BRCA2: variants seen among roughly 807,000 people sequenced by gnomAD.
The protein encoded by BRCA2 is breast cancer type 2 susceptibility protein.
BRCA2 carries 203 observed loss-of-function variants against 276.7 expected under a neutral mutation model. The ratio of observed to expected loss-of-function variants is 0.73; its 90% CI spans 0.65 to 0.82. The LOEUF (loss-of-function observed/expected upper bound fraction) is 0.82. Ranked by LOEUF, BRCA2 falls within the 40% of genes least tolerant of loss-of-function variation. The pLI is 0.00. For missense variants in BRCA2, 3,920 were observed against 3,915.0 expected, an observed-to-expected ratio of 1.00 and a Z score of -0.03; for synonymous variants, 1,289 against 1,338.4, an observed-to-expected ratio of 0.96 and a Z score of 0.81.
Position 32,327,768 on chromosome 13 carries a change from AT to A in BRCA2, c.631+1169del, listed in dbSNP as rs113733140. ...ACTTAGTATTTGAAAAGTTGTGACT[AT>A]TTTTTTTTTTTTTAATTGAGACAAG... On this transcript the variant is annotated intron_variant, in intron 7 of 26. Coordinates refer to ENST00000380152, the MANE Select transcript of BRCA2 (RefSeq NM_000059.4). 2.0e-3 allele frequency among the ~76,000 whole-genome samples: 289 copies of A among 144,078 alleles called. 1 individual carries two copies. Among genetic ancestry groups the A allele is most frequent in the East Asian group, 6.5e-3 (32 of 4,908 alleles). The allele number at this position is 144,078 out of a possible 152,430, so 94.5% of individuals were successfully genotyped here.
chr13:32,361,205 G>A (rs1446553295), intron 16 of BRCA2, among the ~76,000 whole-genome samples: 1 of 152,220 alleles, frequency 6.6e-6, no homozygotes, highest in Non-Finnish European at 1.5e-5. Context: ...ATGGGGTGTT[G>A]CATTCCAAAT....
At chr13:32,392,791 TGTTTGA>T (rs1022037368) in intron 24 of BRCA2, among the ~76,000 whole-genome samples, 2 of 152,090 alleles carry the variant, frequency 1.3e-5, no homozygotes, top group Non-Finnish European at 2.9e-5. Flanking sequence ...TTTGAAAAAT[TGTTTGA>T]GTTTAAGGTA....
At position 32,368,811 on chromosome 13, in the gene BRCA2, T is replaced by G. The variant is rs169546; in HGVS notation, c.8332-1591T>G. Among the ~76,000 whole-genome samples, 31,457 of 128,358 alleles carry G rather than the reference T, an allele frequency of 0.25. 3,340 individuals are homozygous for G. The highest frequency in any genetic ancestry group is 0.3 in the East Asian group (1,218 of 4,050). The allele number at this position is 128,358 out of a possible 152,430, so 84.2% of individuals were successfully genotyped here. A position where few individuals can be genotyped will look rare whatever the true frequency, so the allele number is the denominator to read the frequency against. ...TTTTGTTTTTTTGTTTTTTTTTTGG[T>G]TTTTTTTGTTTTTTTTTTAGATGGA... On this transcript the variant is annotated intron_variant, in intron 18 of 26. Transcript: ENST00000380152.
intron 20 of BRCA2, 118 bp from the exon 21 acceptor site, chr13:32,376,552 G>A: frequency 8.8e-7 from 1 of 1,137,678 alleles, no homozygotes; most frequent in Admixed American, 2.4e-5. Context: ...ACTTTTAGCA[G>A]TTATATAGTT....
In BRCA2 at chr13:32,319,233, C is replaced by T. The variant is rs2138704999; in HGVS notation, c.224C>T (p.Ala75Val). The T allele has an allele frequency of 6.2e-7, 1 of 1,613,432 alleles. No individual in the cohort carries two copies. Among genetic ancestry groups the T allele is most frequent in the Non-Finnish European group, 8.5e-7 (1 of 1,179,390 alleles). Residue 75 changes from alanine (A) to valine (V), a missense_variant, in exon 3 of 27, where the codon GCT becomes GTT. By Grantham distance (64) the Ala-to-Val change is moderately conservative. Transcript: ENST00000380152. ...PQRKPSYNQL[A>V]STPIIFKEQG... ...AGGAAACCATCTTATAATCAGCTGG[C>T]TTCAACTCCAATAATATTCAAAGAG...
intron 21 of BRCA2, among the ~76,000 whole-genome samples, chr13:32,378,128 A>G (rs1288358062): frequency 1.3e-5 from 2 of 152,234 alleles, no homozygotes; most frequent in Admixed American, 6.5e-5. Context: ...TGTGCATTCT[A>G]TGAATCATCA....
At chr13:32,383,415 T>C (rs530123906) in intron 24 of BRCA2, among the ~76,000 whole-genome samples, 1 of 152,184 alleles carries the variant, frequency 6.6e-6, no homozygotes, top group South Asian at 2.1e-4. Flanking sequence ...ATGAAATCAT[T>C]ATCTAAGAAA....
At chr13:32,385,406 T>C (rs1478184675) in intron 24 of BRCA2, 1 of 216,028 alleles carries the variant, frequency 4.6e-6, no homozygotes, top group Non-Finnish European at 1.0e-5. Flanking sequence ...AATACGTCCA[T>C]GCAGACCTTT....
chr13:32,319,043 G>C (rs2138703323), intron 2 of BRCA2, 34 bp from the exon 3 acceptor site: 1 of 1,609,620 alleles, frequency 6.2e-7, no homozygotes, highest in East Asian at 2.2e-5. Flanking sequence ...TCTGTCACTG[G>C]TTAAAACTAA....
intron 11 of BRCA2, 125 bp downstream of exon 11, chr13:32,341,321 C>T: frequency 1.5e-6 from 2 of 1,362,050 alleles, no homozygotes; most frequent in Non-Finnish European, 2.1e-6. Flanking sequence ...TTTGTGTAGT[C>T]AGTTTGGGGG....
At chr13:32,353,319 G>A (rs2072664714) in intron 13 of BRCA2, among the ~76,000 whole-genome samples, 1 of 152,104 alleles carries the variant, frequency 6.6e-6, no homozygotes, top group Admixed American at 6.5e-5. Flanking sequence ...AGTCCTTTCA[G>A]TAGAACTGGT....
At position 32,370,338 on chromosome 13, in the gene BRCA2, A is replaced by G. The variant is rs81002866; in HGVS notation, c.8332-64A>G. On this transcript the variant is annotated intron_variant, in intron 18 of 26. Coordinates refer to ENST00000380152, the MANE Select transcript of BRCA2 (RefSeq NM_000059.4). ...TTCTAGAAGAATGAAAACTCTTATG[A>G]TATCTGTAATAGAATTGAATACATA... is the stretch of plus-strand genomic sequence containing the variant. The G allele has an allele frequency of 4.1e-6, 6 of 1,473,658 alleles. No homozygotes were observed. The South Asian group carries it at 4.6e-5, about 11-fold the overall frequency. 91.3% of individuals were successfully genotyped at this position (1,473,658 alleles called of 1,614,324 possible).
rs1555282089 is a variant in BRCA2, at chr13:32,333,285, A to G, written c.1807A>G (p.Lys603Glu). Residue 603 changes from lysine (K) to glutamate (E), a missense_variant, in exon 10 of 27, where the codon AAA becomes GAA. Lys to Glu is a moderately conservative substitution (Grantham distance 56). This residue lies in a region of BRCA2 where 3,263 missense variants were observed against 3,156.9 expected (regional missense o/e 1.03). Coordinates refer to ENST00000380152, the MANE Select transcript of BRCA2 (RefSeq NM_000059.4). ...AIHDETSYKG[K>E]KIPKDQKSEL... Reference sequence around the variant, plus strand: ...ACATGATGAAACATCTTATAAAGGAAAAAAAATACCGAAAGACCAAAAATC... The same window carrying G: ...ACATGATGAAACATCTTATAAAGGAGAAAAAATACCGAAAGACCAAAAATC... 1 of 1,605,408 alleles carries G rather than the reference A, an allele frequency of 6.2e-7. No individual in the cohort carries two copies. Among genetic ancestry groups the G allele is most frequent in the African/African-American group, 1.3e-5 (1 of 74,250 alleles).
chr13:32,397,495 A>G (rs1414317221), intron 26 of BRCA2, among the ~76,000 whole-genome samples: 1 of 152,206 alleles, frequency 6.6e-6, no homozygotes, highest in African/African-American at 2.4e-5. Flanking sequence ...ATGAGATAAA[A>G]CCTAAGTCCT....
chr13:32,365,109 C>CTTTTTTTTTTTTTTTTTTTTTTTTTTTT (rs57551462), intron 18 of BRCA2, among the ~76,000 whole-genome samples: 1 of 64,460 alleles, frequency 1.6e-5, no homozygotes. Context: ...GCAGTGCATT[C>CTTTTTTTTTTTTTTTTTTTTTTTTTTTT]TTTTTTTTTT....
chr13:32,319,078 T>C lies in BRCA2; in HGVS notation c.69T>C (p.Asp23=), dbSNP rs1555280330. Residue 23 remains aspartate, a splice_region_variant and synonymous_variant, in exon 3 of 27, where the codon GAT becomes GAC. Transcript: ENST00000380152. ...AGGTGGGATTTTTTTTTTAAATAGA[T>C]TTAGGACCAATAAGTCTTAATTGGT... ...EIFKTRCNKA[D]LGPISLNWFE... 6.2e-7 allele frequency: 1 copy of C among 1,612,962 alleles called. No homozygotes were observed. Among genetic ancestry groups the C allele is most frequent in the Non-Finnish European group, 8.5e-7 (1 of 1,179,200 alleles).
At chr13:32,388,792 G>A (rs902443997) in intron 24 of BRCA2, among the ~76,000 whole-genome samples, 5 of 151,368 alleles carry the variant, frequency 3.3e-5, no homozygotes, top group Admixed American at 1.3e-4. Context: ...TACCTTTGTC[G>A]AATTTAAAGT....
At chr13:32,357,418 T>C (rs994073449) in intron 15 of BRCA2, among the ~76,000 whole-genome samples, 10 of 152,220 alleles carry the variant, frequency 6.6e-5, no homozygotes, top group Admixed American at 5.2e-4. Flanking sequence ...TCCCTTTTGT[T>C]TCCCATCTAA....
At position 32,315,523 on chromosome 13, in the gene BRCA2, G is replaced by C. The variant is rs1358424475; in HGVS notation, c.-184G>C. ...ACTAGGCGGCAGAGGCGGAGCCGCTGTGGCACTGCTGCGCCTCTGCTGCGC... is the reference window on the plus strand; with the variant it reads ...ACTAGGCGGCAGAGGCGGAGCCGCTCTGGCACTGCTGCGCCTCTGCTGCGC... On this transcript the variant is annotated 5_prime_UTR_variant, in exon 1 of 27. Coordinates refer to ENST00000380152, the MANE Select transcript of BRCA2 (RefSeq NM_000059.4). 1 of 152,320 alleles carries C rather than the reference G, an allele frequency of 6.6e-6. No homozygotes were observed. The highest frequency in any genetic ancestry group is 1.5e-5 in the Non-Finnish European group (1 of 68,088). The allele number at this position is 152,320 out of a possible 1,614,324, so 9.4% of individuals were successfully genotyped here. A position where few individuals can be genotyped will look rare whatever the true frequency, so the allele number is the denominator to read the frequency against.
Sources: gnomAD v4.1 joint callset for allele counts (sites outside exome capture counted in the v4.1 genomes callset) on GRCh38, gnomAD v4.1.1 for gene constraint, gnomAD v4.1.1 regional missense constraint, MANE v1.5 for transcripts, NCBI Gene and HGNC (gene_info 2026-07-23, HGNC 2026-07-21) for gene names.